CDH12: variants seen among roughly 807,000 people sequenced by gnomAD.
CDH12 encodes cadherin 12.
A neutral mutation model predicts 74.1 loss-of-function variants in CDH12; 41 were observed. The ratio of observed to expected loss-of-function variants is 0.55; its 90% CI spans 0.43 to 0.72. The LOEUF is 0.72. Ranked by LOEUF, CDH12 falls within the 30% of genes least tolerant of loss-of-function variation. The pLI is 0.00. For missense variants in CDH12, 945 were observed against 977.2 expected (o/e 0.97, Z 0.44); for synonymous variants, 399 against 355.0 (o/e 1.12, Z -1.39).
chr5:22,028,178 G>A (rs527814045), intron 5 of CDH12, among the ~76,000 whole-genome samples: 1 of 152,214 alleles, frequency 6.6e-6, no homozygotes, highest in African/African-American at 2.4e-5. Context: ...AAAACTGGAA[G>A]CATTCCCTTT....
intron 5 of CDH12, among the ~76,000 whole-genome samples, chr5:22,059,339 CTATCTATCTATCT>C (rs1741009965): frequency 2.3e-5 from 1 of 42,880 alleles, no homozygotes; most frequent in African/African-American, 9.0e-5. Flanking sequence ...TATCTATCAT[CTATCTATCTATCT>C]ATCTATCTAT....
intron 1 of CDH12, among the ~76,000 whole-genome samples, chr5:22,852,665 T>A (rs2126545046): frequency 6.6e-6 from 1 of 152,294 alleles, no homozygotes; most frequent in South Asian, 2.1e-4. Flanking sequence ...TGGAAGCTCT[T>A]TGAAAATAAA....
chr5:22,363,693 A>G (rs2126313091), intron 3 of CDH12, among the ~76,000 whole-genome samples: 1 of 152,330 alleles, frequency 6.6e-6, no homozygotes, highest in South Asian at 2.1e-4. Context: ...AAATATTCCT[A>G]AAGTGAAACA....
intron 5 of CDH12, among the ~76,000 whole-genome samples, chr5:21,990,148 T>G (rs1401400061): frequency 2.0e-5 from 3 of 152,178 alleles, no homozygotes; most frequent in Non-Finnish European, 2.9e-5. Context: ...CACACCATAT[T>G]TAGTGATTTC....
intron 2 of CDH12, among the ~76,000 whole-genome samples, chr5:22,407,527 A>T (rs1294162986): frequency 7.8e-6 from 1 of 127,634 alleles, no homozygotes; most frequent in East Asian, 2.3e-4. Flanking sequence ...ACCGTAAAAG[A>T]TGATTTTTTT....
intron 1 of CDH12, among the ~76,000 whole-genome samples, chr5:22,683,510 T>C (rs996732527): frequency 6.6e-6 from 1 of 152,188 alleles, no homozygotes; most frequent in African/African-American, 2.4e-5. Flanking sequence ...AACAGATATA[T>C]GCTTATAACA....
At chr5:22,195,888 T>C (rs186339858) in intron 4 of CDH12, among the ~76,000 whole-genome samples, 29 of 152,256 alleles carry the variant, frequency 1.9e-4, no homozygotes, top group Non-Finnish European at 3.5e-4. Flanking sequence ...CTCCTCCCTC[T>C]CTTTCTTTCT....
At chr5:21,988,140 C>G (rs192575705) in intron 5 of CDH12, among the ~76,000 whole-genome samples, 2,423 of 152,190 alleles carry the variant, frequency 0.016, 65 homozygotes, top group African/African-American at 0.056. Context: ...CTCCTCCCCC[C>G]ATATAACACT....
chr5:22,052,682 TG>T (rs1740459337), intron 5 of CDH12, among the ~76,000 whole-genome samples: 1 of 152,148 alleles, frequency 6.6e-6, no homozygotes, highest in Admixed American at 6.6e-5. Flanking sequence ...GTATAGGCAT[TG>T]GTTGTTTTCT....
At chr5:21,818,098 G>A (rs1285974856) in intron 8 of CDH12, among the ~76,000 whole-genome samples, 1 of 151,798 alleles carries the variant, frequency 6.6e-6, no homozygotes, top group Non-Finnish European at 1.5e-5. Flanking sequence ...TTCAAATGAG[G>A]AAAGGAAATG....
chr5:22,019,367 C>T (rs1345249702), intron 5 of CDH12, among the ~76,000 whole-genome samples: 3 of 152,104 alleles, frequency 2.0e-5, no homozygotes, highest in African/African-American at 7.2e-5. Flanking sequence ...AAACAAAGAT[C>T]ATATTATTAT....
intron 10 of CDH12, among the ~76,000 whole-genome samples, chr5:21,795,664 T>C (rs1746739254): frequency 6.6e-6 from 1 of 151,936 alleles, no homozygotes; most frequent in Admixed American, 6.6e-5. Context: ...TCTTGTGAGG[T>C]AGATGAGAAA....
intron 5 of CDH12, among the ~76,000 whole-genome samples, chr5:22,051,915 A>C (rs1740397733): frequency 6.6e-6 from 1 of 152,144 alleles, no homozygotes; most frequent in Admixed American, 6.5e-5. Flanking sequence ...GAAAACAGTA[A>C]GATTTTAAAA....
intron 1 of CDH12, among the ~76,000 whole-genome samples, chr5:22,789,525 T>C (rs1377334820): frequency 6.6e-6 from 1 of 152,016 alleles, no homozygotes; most frequent in Non-Finnish European, 1.5e-5. Flanking sequence ...AGAGATAAAT[T>C]TATAGTTATT....
At chr5:22,748,195 T>C (rs1325220068) in intron 1 of CDH12, among the ~76,000 whole-genome samples, 1 of 152,212 alleles carries the variant, frequency 6.6e-6, no homozygotes, top group Non-Finnish European at 1.5e-5. Context: ...AAGCATAAAT[T>C]CTATTTTCTG....
At chr5:22,308,241 A>G (rs1255819031) in intron 3 of CDH12, among the ~76,000 whole-genome samples, 3 of 152,074 alleles carry the variant, frequency 2.0e-5, no homozygotes, top group Non-Finnish European at 4.4e-5. Flanking sequence ...TGTTTTCTAA[A>G]TTACTATTCT....
chr5:22,562,337 AAC>A (rs1422312502), intron 1 of CDH12, among the ~76,000 whole-genome samples: 1 of 152,058 alleles, frequency 6.6e-6, no homozygotes, highest in Non-Finnish European at 1.5e-5. Flanking sequence ...ACAAAAAACA[AAC>A]AAACAAAAAA....
intron 4 of CDH12, chr5:22,172,523 T>C (rs1236439316): frequency 6.6e-6 from 1 of 151,868 alleles, no homozygotes; most frequent in Non-Finnish European, 1.5e-5. Flanking sequence ...CTAAAACAAA[T>C]AGCAAGAGGA....
At chr5:21,872,877 A>G (rs1751708684) in intron 6 of CDH12, among the ~76,000 whole-genome samples, 1 of 35,500 alleles carries the variant, frequency 2.8e-5, no homozygotes, top group Non-Finnish European at 6.7e-5. Flanking sequence ...CTATATATCA[A>G]TCACCTACCT....
Sources: allele counts gnomAD v4.1 joint callset (sites outside exome capture counted in the v4.1 genomes callset), GRCh38; gene constraint gnomAD v4.1.1; transcripts MANE v1.5; gene names NCBI Gene and HGNC (gene_info 2026-07-23, HGNC 2026-07-21).